NAPA: variants seen among roughly 807,000 people sequenced by gnomAD.
The protein encoded by NAPA is NSF attachment protein alpha.
A neutral mutation model predicts 48.0 loss-of-function variants in NAPA; 18 were observed. That is an observed-to-expected ratio of 0.38 (90% CI 0.26 to 0.56). NAPA has a LOEUF of 0.56. Among genes scored for constraint, NAPA ranks in the 20% least tolerant of loss-of-function variants. The pLI is 0.77. For missense variants in NAPA, 315 were observed against 385.0 expected (o/e 0.82, Z 1.52); for synonymous variants, 152 against 149.9 (o/e 1.01, Z -0.10).
At position 47,492,063 on chromosome 19, in the gene NAPA, G is replaced by T. The variant is rs775392241; in HGVS notation, c.618C>A (p.Phe206Leu). The change falls in exon 8 of 11, where the codon TTC becomes TTA. Residue 206 changes from phenylalanine to leucine, a missense_variant. Coordinates refer to ENST00000263354, the MANE Select transcript of NAPA (RefSeq NM_003827.4). ...PLLKYSAKDYFFKAALCHFCI... is the reference protein window; with the variant it reads ...PLLKYSAKDYLFKAALCHFCI... ...AGAAGTGGCAGAGGGCCGCCTTGAA[G>T]AAGTAGTCTTTGGCGCTGTACTTGA... 31 of 1,614,078 alleles carry T rather than the reference G, an allele frequency of 1.9e-5. No individual in the cohort carries two copies. Among genetic ancestry groups the T allele is most frequent in the Non-Finnish European group, 2.6e-5 (31 of 1,180,032 alleles).
chr19:47,513,846 C>CTTTTTTTTTTTTTT (rs776314156), intron 1 of NAPA, among the ~76,000 whole-genome samples: 1 of 115,854 alleles, frequency 8.6e-6, no homozygotes, highest in Admixed American at 8.9e-5. Flanking sequence ...TTCTTTCTTT[C>CTTTTTTTTTTTTTT]TTTTTTTTTT....
rs1365635818 is a variant in NAPA at position 47,488,181 on chromosome 19, C to T, written c.*107G>A. ...GGTGCCACCTGCCCACTGTGGCCCG[C>T]GGCACTCCCCAGATGGGAAAGGAGG... On this transcript the variant is annotated 3_prime_UTR_variant, in exon 11 of 11. Transcript: ENST00000263354. The T allele has an allele frequency of 2.6e-5, 28 of 1,082,444 alleles. No homozygotes were observed. The highest frequency in any genetic ancestry group is 1.7e-4 in the East Asian group (7 of 40,354). 67.1% of individuals were successfully genotyped at this position (1,082,444 alleles called of 1,614,324 possible).
At chr19:47,497,621 G>A (rs972320139) in intron 3 of NAPA, 3 of 152,320 alleles carry the variant, frequency 2.0e-5, no homozygotes, top group African/African-American at 4.8e-5. Context: ...GCTGGAAAGG[G>A]GCTCAGAGCA....
intron 2 of NAPA, chr19:47,501,673 T>C (rs1968580141): frequency 6.6e-6 from 1 of 152,242 alleles, no homozygotes; most frequent in Admixed American, 6.5e-5. Context: ...CACGGTCAGC[T>C]TCTGTGGGTC....
Position 47,493,967 on chromosome 19 carries a change from CCTAT to C in NAPA, c.343-478_343-475del, listed in dbSNP as rs1047165281. 1.3e-5 allele frequency among the ~76,000 whole-genome samples: 2 copies of C among 152,204 alleles called. No individual in the cohort carries two copies. Among genetic ancestry groups the C allele is most frequent in the Admixed American group, 1.3e-4 (2 of 15,280 alleles). On this transcript the variant is annotated intron_variant, in intron 4 of 10. Transcript: ENST00000263354. The surrounding 1 kb of genome is among the most constrained non-coding windows in gnomAD (Gnocchi z 6.4). ...TACCAGCTCTGCCCCCAGGCCAACA[CCTAT>C]CTGTCAGCCTCCCCCAGGCACACCC... is the stretch of plus-strand genomic sequence containing the variant.
chr19:47,506,037 G>A lies in NAPA; in HGVS notation c.99-2535C>T, dbSNP rs1472240349. 1.4e-5 allele frequency among the ~76,000 whole-genome samples: 2 copies of A among 140,676 alleles called. No individual in the cohort carries two copies. The highest frequency in any genetic ancestry group is 2.1e-4 in the East Asian group (1 of 4,860). 92.3% of individuals were successfully genotyped at this position (140,676 alleles called of 152,430 possible). A position where few individuals can be genotyped will look rare whatever the true frequency, so the allele number is the denominator to read the frequency against. On this transcript the variant is annotated intron_variant, in intron 1 of 10. Transcript: ENST00000263354. The surrounding 1 kb of genome is among the most constrained non-coding windows in gnomAD (Gnocchi z 4.0). Reference sequence around the variant, plus strand: ...TTTGAGATGGAGTTTCGCTCTTGTCGCCCAGGCTGGAGTACAGTGGCACGA... The same window carrying A: ...TTTGAGATGGAGTTTCGCTCTTGTCACCCAGGCTGGAGTACAGTGGCACGA...
intron 10 of NAPA, chr19:47,489,408 G>T (rs747385697): frequency 6.7e-6 from 3 of 446,876 alleles, no homozygotes; most frequent in Non-Finnish European, 1.2e-5. Context: ...GGGGACTCAA[G>T]GAACCCTGGT....
At chr19:47,508,566 A>G (rs1421707887) in intron 1 of NAPA, among the ~76,000 whole-genome samples, 1 of 152,208 alleles carries the variant, frequency 6.6e-6, no homozygotes, top group African/African-American at 2.4e-5. Flanking sequence ...CTGGGCAAAG[A>G]CAAGGGGTAG....
In NAPA at chr19:47,489,699, C is replaced by T. The variant is rs771313354; in HGVS notation, c.786+12G>A. ...CCGTGAAGGGGCCTGGCCCCCCATG[C>T]TGGCCACTCACCGACTCGGTGTAGC... On this transcript the variant is annotated intron_variant, in intron 10 of 10. Coordinates refer to ENST00000263354, the MANE Select transcript of NAPA (RefSeq NM_003827.4). The T allele has an allele frequency of 2.5e-6, 4 of 1,613,838 alleles. No homozygotes were observed. The highest frequency in any genetic ancestry group is 2.7e-5 in the African/African-American group (2 of 74,946).
intron 1 of NAPA, 130 bp downstream of exon 1, chr19:47,514,713 T>C (rs929698937): frequency 2.4e-6 from 2 of 833,348 alleles, no homozygotes; most frequent in South Asian, 1.6e-5. Flanking sequence ...CCTCAGGCCA[T>C]GTCACCTTAT....
chr19:47,488,834 GT>G (rs1218042041), intron 10 of NAPA: 1 of 152,288 alleles, frequency 6.6e-6, no homozygotes, highest in African/African-American at 2.4e-5. Flanking sequence ...GGAGAATGGC[GT>G]GAACCCGGGA....
intron 1 of NAPA, among the ~76,000 whole-genome samples, chr19:47,513,440 G>A (rs1968842527): frequency 6.6e-6 from 1 of 152,224 alleles, no homozygotes. Flanking sequence ...CAAATGGGAG[G>A]TAGGTTTGAT....
intron 4 of NAPA, 122 bp downstream of exon 4, chr19:47,495,428 C>T (rs2122740541): frequency 9.0e-7 from 1 of 1,116,826 alleles, no homozygotes; most frequent in Non-Finnish European, 1.3e-6. Flanking sequence ...GCTCCCACTT[C>T]CCCCTCCCCA....
At chr19:47,503,275 C>T in intron 2 of NAPA, 148 bp downstream of exon 2, 1 of 711,480 alleles carries the variant, frequency 1.4e-6, no homozygotes, top group Non-Finnish European at 2.5e-6. Context: ...AGGCACAAAA[C>T]AAGAGAGCAG....
chr19:47,495,346 G>A, intron 4 of NAPA: 1 of 623,814 alleles, frequency 1.6e-6, no homozygotes, highest in Middle Eastern at 4.4e-4. Flanking sequence ...GAGTGAGGGG[G>A]CCGTCAGGCT....
intron 3 of NAPA, among the ~76,000 whole-genome samples, chr19:47,498,485 C>T (rs1968489313): frequency 6.6e-6 from 1 of 152,184 alleles, no homozygotes; most frequent in African/African-American, 2.4e-5. Context: ...AACAGAGGCC[C>T]AAAAGACTGA....
chr19:47,484,891 G>C (rs1002386214), downstream of NAPA, among the ~76,000 whole-genome samples: 1 of 151,934 alleles, frequency 6.6e-6, no homozygotes, highest in African/African-American at 2.4e-5. Flanking sequence ...GTAGAGATGG[G>C]GTTTCGCCAT....
chr19:47,503,856 T>G (rs1480814003), intron 1 of NAPA, among the ~76,000 whole-genome samples: 1 of 152,190 alleles, frequency 6.6e-6, no homozygotes, highest in East Asian at 1.9e-4. Flanking sequence ...CAAATCCCCT[T>G]TCCCCGGGAG....
At chr19:47,490,670 C>CAAAACAAAACAA in intron 9 of NAPA, 118 bp downstream of exon 9, 1 of 866,672 alleles carries the variant, frequency 1.2e-6, no homozygotes, top group Non-Finnish European at 1.8e-6. Flanking sequence ...CAAAACAAAA[C>CAAAACAAAACAA]AAAACAAAGA....
Sources: allele counts gnomAD v4.1 joint callset (sites outside exome capture counted in the v4.1 genomes callset), GRCh38; gene constraint gnomAD v4.1.1; non-coding constraint Gnocchi (gnomAD v3.1); transcripts MANE v1.5; gene names NCBI Gene and HGNC (gene_info 2026-07-23, HGNC 2026-07-21).